The following LSM14A variants were observed in gnomAD, a reference collection of about 807,000 sequenced individuals.
The protein encoded by LSM14A is protein LSM14 homolog A.
In LSM14A, 14 loss-of-function variants were observed where a neutral mutation model predicts 52.4. That is an observed-to-expected ratio of 0.27 (90% confidence interval 0.18 to 0.42). LSM14A has a LOEUF of 0.42. Among genes scored for constraint, LSM14A ranks in the 10% least tolerant of loss-of-function variants. The probability of loss-of-function intolerance (pLI) is 1.00; values close to 1 mark genes in which losing one functional copy is unlikely to be tolerated. For synonymous variants in LSM14A, 185 were observed against 200.3 expected (o/e 0.92, Z 0.64); for missense variants, 417 against 581.8 (o/e 0.72, Z 2.91).
At chr19:34,198,762 G>A (rs1230612458) in intron 3 of LSM14A, among the ~76,000 whole-genome samples, 1 of 151,892 alleles carries the variant, frequency 6.6e-6, no homozygotes, top group Non-Finnish European at 1.5e-5. Context: ...CAAGGCGTGT[G>A]GATCACGAGG....
In LSM14A at chr19:34,215,248, G is replaced by T. The variant is rs543705839; in HGVS notation, c.663G>T (p.Arg221Ser). The T allele has an allele frequency of 1.2e-6, 2 of 1,614,034 alleles. No homozygotes were observed. The highest frequency in any genetic ancestry group is 2.2e-5 in the South Asian group (2 of 91,050). ...AVGRRSPVST[R>S]PLPSASQKAG... The stretch of plus-strand genomic sequence containing the variant: ...GGAGAAGGAGTCCTGTATCAACCAG[G>T]CCTTTGCCATCTGCCAGCCAAAAGG... The change falls in exon 5 of 10, where the codon AGG becomes AGT. Residue 221 changes from arginine (R) to serine (S), a missense_variant. This residue lies in a region of LSM14A where 357 missense variants were observed against 457.0 expected (regional missense o/e 0.78). Transcript: ENST00000544216.
chr19:34,226,375 C>CT (rs528137318), intron 9 of LSM14A: 174,294 of 1,171,936 alleles, frequency 0.15, 8,522 homozygotes, highest in Non-Finnish European at 0.16. Flanking sequence ...ATCTCTTTCT[C>CT]TTTTTTTTTT....
Position 34,226,060 on chromosome 19 carries a change from C to CA in LSM14A, c.1369-1293dup, listed in dbSNP as rs74177122. 1.6e-3 allele frequency among the ~76,000 whole-genome samples: 209 copies of CA among 131,470 alleles called. 1 individual carries two copies. The highest frequency in any genetic ancestry group is 7.9e-3 in the Middle Eastern group (2 of 254). 86.2% of individuals were successfully genotyped at this position (131,470 alleles called of 152,430 possible). ...CTGGGTGACAGAGCGAGGCCTGTCT[C>CA]AAAAAAAAAAAAGAAAAGAAAGAAA... On this transcript the variant is annotated intron_variant, in intron 9 of 9. Coordinates refer to ENST00000544216, the MANE Select transcript of LSM14A (RefSeq NM_015578.4).
At chr19:34,226,449 TA>T (rs2073353257) in intron 9 of LSM14A, 1 of 1,518,016 alleles carries the variant, frequency 6.6e-7, no homozygotes, top group Admixed American at 2.2e-5. Context: ...GGATTGATCG[TA>T]CTGCTTTCTG....
At chr19:34,196,019 A>G (rs1480967760) in intron 2 of LSM14A, among the ~76,000 whole-genome samples, 1 of 152,198 alleles carries the variant, frequency 6.6e-6, no homozygotes, top group Non-Finnish European at 1.5e-5. Context: ...CCTTTAATAC[A>G]CTTCATGTTT....
intron 1 of LSM14A, among the ~76,000 whole-genome samples, chr19:34,181,652 G>C (rs1035141055): frequency 6.6e-6 from 1 of 152,030 alleles, no homozygotes; most frequent in African/African-American, 2.4e-5. Flanking sequence ...CCTGTAAGCC[G>C]CCAAATGTTG....
intron 3 of LSM14A, among the ~76,000 whole-genome samples, chr19:34,198,105 A>G (rs2071004736): frequency 1.3e-5 from 2 of 152,016 alleles, no homozygotes; most frequent in East Asian, 1.9e-4. Context: ...TTTGCCCCTA[A>G]TCTTTTAAAA....
chr19:34,188,802 GAAT>G (rs1237745672), intron 1 of LSM14A, among the ~76,000 whole-genome samples: 2 of 151,314 alleles, frequency 1.3e-5, no homozygotes, highest in Non-Finnish European at 2.9e-5. Context: ...TTTTATGGCT[GAAT>G]AATATTTCAT....
chr19:34,218,868 CTG>C (rs1370338076), intron 6 of LSM14A, among the ~76,000 whole-genome samples: 1 of 152,160 alleles, frequency 6.6e-6, no homozygotes, highest in East Asian at 1.9e-4. Context: ...TGGTGCTTGT[CTG>C]TTTTTTATCT....
chr19:34,183,383 T>A (rs568816504), intron 1 of LSM14A, among the ~76,000 whole-genome samples: 1 of 152,140 alleles, frequency 6.6e-6, no homozygotes, highest in South Asian at 2.1e-4. Context: ...AAACCCCGTC[T>A]CTACTAAAAA....
At chr19:34,202,679 G>GACTC (rs1298064700) in intron 3 of LSM14A, among the ~76,000 whole-genome samples, 2 of 151,966 alleles carry the variant, frequency 1.3e-5, no homozygotes, top group African/African-American at 4.8e-5. Flanking sequence ...AGAATTAAAG[G>GACTC]ACTCACTCTG....
rs35339083 is a variant in LSM14A, at chr19:34,213,955, A to ATT, written c.539-1162_539-1161dup. ...GCCACCACACCTGGCTAATTTTTGTATTTTTTTTGTAGAGACAGGCTTTCG... is the reference window on the plus strand; with the variant it reads ...GCCACCACACCTGGCTAATTTTTGTATTTTTTTTTTGTAGAGACAGGCTTTCG... On this transcript the variant is annotated intron_variant, in intron 4 of 9. Transcript: ENST00000544216. 5.1e-4 allele frequency among the ~76,000 whole-genome samples: 77 copies of ATT among 151,548 alleles called. 1 individual carries two copies. The East Asian group carries it at 0.014, about 27-fold the overall frequency.
chr19:34,226,303 T>A, intron 9 of LSM14A: 1 of 1,142,680 alleles, frequency 8.8e-7, no homozygotes, highest in Non-Finnish European at 1.2e-6. Context: ...TCTGAATGAC[T>A]CAGCATAATG....
chr19:34,199,444 T>G (rs993979210), intron 3 of LSM14A, among the ~76,000 whole-genome samples: 1 of 152,182 alleles, frequency 6.6e-6, no homozygotes, highest in Non-Finnish European at 1.5e-5. Context: ...TGTTAATTCT[T>G]AAACTGTTTT....
intron 5 of LSM14A, 72 bp downstream of exon 5, chr19:34,215,372 A>T (rs2072502174): frequency 7.3e-7 from 1 of 1,377,338 alleles, no homozygotes; most frequent in Admixed American, 2.5e-5. Flanking sequence ...TTTCATTAGA[A>T]GGATTTACTT....
chr19:34,214,570 A>G (rs1464612687), intron 4 of LSM14A, among the ~76,000 whole-genome samples: 2 of 152,156 alleles, frequency 1.3e-5, no homozygotes, highest in Non-Finnish European at 2.9e-5. Flanking sequence ...CAGCCTCCCA[A>G]AGGACTAGGA....
At chr19:34,192,193 TA>T (rs1311094568) in intron 1 of LSM14A, among the ~76,000 whole-genome samples, 3 of 152,120 alleles carry the variant, frequency 2.0e-5, no homozygotes, top group African/African-American at 7.2e-5. Flanking sequence ...CCTTTAGTTT[TA>T]GGGAAGGATC....
At chr19:34,173,782 T>C (rs1316849685) in intron 1 of LSM14A, among the ~76,000 whole-genome samples, 1 of 152,178 alleles carries the variant, frequency 6.6e-6, no homozygotes, top group African/African-American at 2.4e-5. Context: ...GGGAACTGCA[T>C]AGCATGGTTA....
chr19:34,226,571 C>A, intron 9 of LSM14A: 2 of 955,910 alleles, frequency 2.1e-6, no homozygotes, highest in Non-Finnish European at 3.0e-6. Flanking sequence ...ATATGTATTT[C>A]AGTTTAATAA....
Sources: allele counts gnomAD v4.1 joint callset (sites outside exome capture counted in the v4.1 genomes callset), GRCh38; gene constraint gnomAD v4.1.1; regional missense constraint gnomAD v4.1.1; transcripts MANE v1.5; gene names NCBI Gene and HGNC (gene_info 2026-07-23, HGNC 2026-07-21).